ADAM23: variants seen among roughly 807,000 people sequenced by gnomAD.
ADAM23 encodes ADAM metallopeptidase domain 23, also known as disintegrin and metalloproteinase domain-containing protein 23.
ADAM23 carries 33 observed loss-of-function variants against 120.1 expected under a neutral mutation model. The observed-to-expected ratio is 0.27, with a 90% CI of 0.21 to 0.37. The LOEUF is 0.37. Among genes scored for constraint, ADAM23 ranks in the 10% least tolerant of loss-of-function variants. ADAM23 has a pLI of 1.00. For synonymous variants in ADAM23, 367 were observed against 375.2 expected (o/e 0.98, Z 0.25); for missense variants, 862 against 1,058.2 (o/e 0.81, Z 2.57).
intron 3 of ADAM23, among the ~76,000 whole-genome samples, chr2:206,491,331 C>T (rs1446890902): frequency 6.6e-6 from 1 of 152,052 alleles, no homozygotes; most frequent in East Asian, 1.9e-4. Context: ...TGGCTACAGT[C>T]TTTAGCAGGA....
At chr2:206,565,597 G>T (rs2105826218) in intron 14 of ADAM23, among the ~76,000 whole-genome samples, 1 of 152,246 alleles carries the variant, frequency 6.6e-6, no homozygotes, top group Middle Eastern at 3.4e-3. Flanking sequence ...TGAATACTTT[G>T]GGAACTAGAG....
At chr2:206,516,666 A>AGG in intron 3 of ADAM23, among the ~76,000 whole-genome samples, 1 of 152,092 alleles carries the variant, frequency 6.6e-6, no homozygotes, top group Non-Finnish European at 1.5e-5. Context: ...ACCTCCTAAA[A>AGG]GCCCCATCTC....
rs142411685 is a variant in ADAM23 at position 206,544,814 on chromosome 2, G to A, written c.720+1498G>A. Among the ~76,000 whole-genome samples the A allele has an allele frequency of 2.8e-3, 421 of 151,990 alleles. 2 individuals carry two copies. Among genetic ancestry groups the A allele is most frequent in the Middle Eastern group, 6.8e-3 (2 of 294 alleles). ...TTTTTAGTAGAGACGGGATTTCACC[G>A]TGTTAGCCAGGATGGAGTTAAATTT... On this transcript the variant is annotated intron_variant, in intron 6 of 25. Coordinates refer to ENST00000264377, the MANE Select transcript of ADAM23 (RefSeq NM_003812.4).
At chr2:206,445,564 A>T in intron 2 of ADAM23, 40 bp downstream of exon 2, 1 of 1,524,858 alleles carries the variant, frequency 6.6e-7, no homozygotes, top group South Asian at 1.2e-5. Flanking sequence ...ACTATCATGA[A>T]GAGTTTTCCT....
At chr2:206,590,384 C>T (rs1294750530) in intron 21 of ADAM23, among the ~76,000 whole-genome samples, 1 of 152,196 alleles carries the variant, frequency 6.6e-6, no homozygotes, top group African/African-American at 2.4e-5. Flanking sequence ...GGGCGTGAGT[C>T]ACCACGTCCA....
At chr2:206,617,339 GTTTTGTTTGGTC>G (rs1297256965) in intron 25 of ADAM23, among the ~76,000 whole-genome samples, 2 of 152,294 alleles carry the variant, frequency 1.3e-5, no homozygotes, top group Admixed American at 6.5e-5. Flanking sequence ...ACAACCCAAA[GTTTTGTTTGGTC>G]TTCACCAAAG....
intron 18 of ADAM23, among the ~76,000 whole-genome samples, chr2:206,573,508 C>A (rs1698048004): frequency 6.6e-6 from 1 of 152,124 alleles, no homozygotes; most frequent in South Asian, 2.1e-4. Context: ...CTATCTCAGC[C>A]ACCCATGTGG....
rs1698715860 is a variant in ADAM23 at position 206,605,714 on chromosome 2, A to G, written c.2360-4196A>G. The G allele has an allele frequency of 5.7e-6, 4 of 696,716 alleles. No individual in the cohort carries two copies. In the South Asian group the frequency reaches 6.0e-5, roughly 10 times the overall value. The allele number at this position is 696,716 out of a possible 1,614,324, so 43.2% of individuals were successfully genotyped here. ...AGCCAACTTTCAAAGCATGTCCTGA[A>G]TAGATTATTTTGTATGTTAGTGAAA... On this transcript the variant is annotated intron_variant, in intron 24 of 25. Coordinates refer to ENST00000264377, the MANE Select transcript of ADAM23 (RefSeq NM_003812.4).
intron 3 of ADAM23, among the ~76,000 whole-genome samples, chr2:206,518,319 A>G (rs989291862): frequency 6.6e-6 from 1 of 152,214 alleles, no homozygotes; most frequent in Admixed American, 6.5e-5. Flanking sequence ...TTTTAGTATT[A>G]TGCAAAATGT....
chr2:206,481,871 G>T (rs1230062032), intron 3 of ADAM23, among the ~76,000 whole-genome samples: 1 of 152,224 alleles, frequency 6.6e-6, no homozygotes, highest in Non-Finnish European at 1.5e-5. Context: ...GTTCAAATCA[G>T]TTGTACAGAT....
rs376998992 is a variant in ADAM23 at position 206,610,732 on chromosome 2, G to T, written c.2450+732G>T. On this transcript the variant is annotated intron_variant, in intron 25 of 25. Transcript: ENST00000264377. ...GGGTATTCACAAATAAACTTCAATT[G>T]TGATCAAAATTTTTAAAGCTGATTT... 1.2e-4 allele frequency among the ~76,000 whole-genome samples: 18 copies of T among 152,254 alleles called. 1 individual carries two copies. The East Asian group carries it at 1.9e-3, about 16-fold the overall frequency.
chr2:206,463,265 A>C (rs185085460), intron 2 of ADAM23, among the ~76,000 whole-genome samples: 3 of 152,286 alleles, frequency 2.0e-5, no homozygotes, highest in East Asian at 3.9e-4. Context: ...TGTAATCACA[A>C]GGGCCCTGAT....
chr2:206,568,101 CCTGA>C (rs1402749905), intron 15 of ADAM23, among the ~76,000 whole-genome samples: 8 of 152,208 alleles, frequency 5.3e-5, no homozygotes, highest in African/African-American at 1.4e-4. Flanking sequence ...CCATGCAGGG[CCTGA>C]CTAATTTCTT....
intron 18 of ADAM23, among the ~76,000 whole-genome samples, chr2:206,574,810 A>G (rs189656191): frequency 1.3e-5 from 2 of 152,324 alleles, no homozygotes; most frequent in African/African-American, 4.8e-5. Context: ...ATTGCCCTCT[A>G]AAATTCCTTC....
At chr2:206,581,806 G>A (rs1426752359) in intron 18 of ADAM23, among the ~76,000 whole-genome samples, 1 of 152,146 alleles carries the variant, frequency 6.6e-6, no homozygotes, top group African/African-American at 2.4e-5. Flanking sequence ...CCTGTCTAGT[G>A]CTGTCAGTGG....
chr2:206,588,975 A>G (rs879857077), intron 20 of ADAM23, among the ~76,000 whole-genome samples: 1 of 152,240 alleles, frequency 6.6e-6, no homozygotes, highest in Non-Finnish European at 1.5e-5. Flanking sequence ...TAAAATCTCA[A>G]TAGGCTACGA....
At chr2:206,503,369 G>T (rs939498733) in intron 3 of ADAM23, among the ~76,000 whole-genome samples, 2 of 152,120 alleles carry the variant, frequency 1.3e-5, no homozygotes, top group African/African-American at 4.8e-5. Flanking sequence ...AGATAATGAA[G>T]TGAGAAAAGG....
At chr2:206,483,794 A>G (rs1695946147) in intron 3 of ADAM23, among the ~76,000 whole-genome samples, 1 of 151,896 alleles carries the variant, frequency 6.6e-6, no homozygotes, top group Non-Finnish European at 1.5e-5. Context: ...TTTCAATGAA[A>G]CTCTGGGGTG....
chr2:206,587,486 A>G, intron 19 of ADAM23, 111 bp downstream of exon 19: 1 of 777,252 alleles, frequency 1.3e-6, no homozygotes. Flanking sequence ...TTACTCAAGT[A>G]AATTATTATA....
Sources: allele counts gnomAD v4.1 joint callset (sites outside exome capture counted in the v4.1 genomes callset), GRCh38; gene constraint gnomAD v4.1.1; transcripts MANE v1.5; gene names NCBI Gene and HGNC (gene_info 2026-07-23, HGNC 2026-07-21).